LUZP2: variants seen among roughly 807,000 people sequenced by gnomAD.
LUZP2 encodes leucine zipper protein 2.
Under a neutral mutation model 51.6 loss-of-function variants are expected in LUZP2, and 52 were observed. The ratio of observed to expected loss-of-function variants is 1.01; its 90% CI spans 0.81 to 1.27. The LOEUF (loss-of-function observed/expected upper bound fraction) is 1.27. Ranked by LOEUF, LUZP2 falls within the 50% of genes most tolerant of loss-of-function variation. LUZP2 has a pLI of 0.00. For missense variants in LUZP2, 436 were observed against 395.4 expected, an observed-to-expected ratio of 1.10 and a Z score of -0.87; for synonymous variants, 154 against 137.3, an observed-to-expected ratio of 1.12 and a Z score of -0.85.
intron 1 of LUZP2, among the ~76,000 whole-genome samples, chr11:24,645,704 C>T (rs911584046): frequency 6.6e-6 from 1 of 152,052 alleles, no homozygotes; most frequent in Non-Finnish European, 1.5e-5. Flanking sequence ...ATATATCTTA[C>T]TTGTCCATTT....
chr11:24,574,247 T>TCTTTCTTTCTTTCTTTCTTTCTTG (rs1852551687), intron 1 of LUZP2, among the ~76,000 whole-genome samples: 1 of 2,108 alleles, frequency 4.7e-4, no homozygotes, highest in African/African-American at 8.6e-4. Flanking sequence ...TTTCTTTCTT[T>TCTTTCTTTCTTTCTTTCTTTCTTG]CTTTCTTTCT....
intron 5 of LUZP2, among the ~76,000 whole-genome samples, chr11:24,782,345 A>G (rs1849119080): frequency 6.6e-6 from 1 of 152,154 alleles, no homozygotes; most frequent in African/African-American, 2.4e-5. Flanking sequence ...GACAGGGAAG[A>G]GCAGAACCAC....
rs529114114 is a variant in LUZP2, at chr11:24,699,974, A to G, written c.63-29195A>G. ...ATGAGGGAGGATAGAGCCAGGAACAATTTTACTTTTCAAATTTGTACTTGT... is the reference window on the plus strand; with the variant it reads ...ATGAGGGAGGATAGAGCCAGGAACAGTTTTACTTTTCAAATTTGTACTTGT... On this transcript the variant is annotated intron_variant, in intron 1 of 11. Transcript: ENST00000336930. 1.5e-4 allele frequency among the ~76,000 whole-genome samples: 23 copies of G among 150,784 alleles called. No homozygotes were observed. The South Asian group carries it at 4.2e-3, about 27-fold the overall frequency.
chr11:24,991,390 G>T (rs1310725760), intron 9 of LUZP2, among the ~76,000 whole-genome samples: 1 of 63,524 alleles, frequency 1.6e-5, no homozygotes, highest in Non-Finnish European at 4.0e-5. Flanking sequence ...GTGTGTGTGT[G>T]TGTGTGTATA....
intron 2 of LUZP2, among the ~76,000 whole-genome samples, chr11:24,730,296 T>G (rs1412646453): frequency 6.6e-6 from 1 of 151,762 alleles, no homozygotes; most frequent in African/African-American, 2.4e-5. Flanking sequence ...AGAGAAAAGT[T>G]AACAAACTAA....
chr11:24,807,478 A>T lies in LUZP2; in HGVS notation c.396+44170A>T, dbSNP rs377019208. On this transcript the variant is annotated intron_variant, in intron 5 of 11. Coordinates refer to ENST00000336930, the MANE Select transcript of LUZP2 (RefSeq NM_001009909.4). Reference sequence around the variant, plus strand: ...TCCATCTCAAAAGAAAAAAAAAAAAAAGTCAGGTTAAACAAATTATTTAAC... The same window carrying T: ...TCCATCTCAAAAGAAAAAAAAAAAATAGTCAGGTTAAACAAATTATTTAAC... 2.5e-4 allele frequency among the ~76,000 whole-genome samples: 38 copies of T among 151,260 alleles called. No individual in the cohort carries two copies. The Middle Eastern group carries it at 0.014, about 54-fold the overall frequency.
chr11:24,842,206 ATTATAT>A (rs1042549627), intron 5 of LUZP2, among the ~76,000 whole-genome samples: 3 of 149,416 alleles, frequency 2.0e-5, no homozygotes, highest in African/African-American at 4.9e-5. Context: ...AAAATTTTCA[ATTATAT>A]TTATATTATT....
At chr11:24,822,318 C>A (rs2134160147) in intron 5 of LUZP2, among the ~76,000 whole-genome samples, 1 of 152,204 alleles carries the variant, frequency 6.6e-6, no homozygotes, top group East Asian at 1.9e-4. Context: ...TTTGTTGCTA[C>A]TTTTAGCCTT....
intron 1 of LUZP2, among the ~76,000 whole-genome samples, chr11:24,595,240 T>A (rs910515365): frequency 6.6e-6 from 1 of 151,182 alleles, no homozygotes; most frequent in Non-Finnish European, 1.5e-5. Flanking sequence ...TTTTATTACA[T>A]GGGCCGAAGC....
chr11:24,703,825 T>TCAAAAAA (rs1857488548), intron 1 of LUZP2, among the ~76,000 whole-genome samples: 1 of 147,572 alleles, frequency 6.8e-6, no homozygotes, highest in Non-Finnish European at 1.5e-5. Context: ...AGACTCCATC[T>TCAAAAAA]CAAAAAACAA....
intron 1 of LUZP2, among the ~76,000 whole-genome samples, chr11:24,539,344 C>G (rs995038937): frequency 6.6e-6 from 1 of 151,840 alleles, no homozygotes; most frequent in Non-Finnish European, 1.5e-5. Flanking sequence ...TGTGTGCTAT[C>G]TGTTATAATT....
At chr11:25,063,652 C>G (rs1404995177) in intron 10 of LUZP2, among the ~76,000 whole-genome samples, 1 of 151,808 alleles carries the variant, frequency 6.6e-6, no homozygotes, top group Non-Finnish European at 1.5e-5. Flanking sequence ...AATGCAAATG[C>G]ATCTGAGTAA....
intron 1 of LUZP2, among the ~76,000 whole-genome samples, chr11:24,660,220 A>G (rs991454534): frequency 1.3e-5 from 2 of 152,196 alleles, no homozygotes; most frequent in African/African-American, 2.4e-5. Flanking sequence ...AGGACCCAGT[A>G]AAAGCGTGCC....
chr11:24,922,879 C>G (rs190584249), intron 7 of LUZP2, among the ~76,000 whole-genome samples: 227 of 122,608 alleles, frequency 1.9e-3, no homozygotes, highest in African/African-American at 7.1e-3. Context: ...GAGGGAGTCT[C>G]GCTCCATTGC....
At chr11:24,987,907 C>T (rs925075845) in intron 9 of LUZP2, among the ~76,000 whole-genome samples, 1 of 151,964 alleles carries the variant, frequency 6.6e-6, no homozygotes, top group Non-Finnish European at 1.5e-5. Context: ...AAAATGCTCA[C>T]ACCTGGGTGT....
At chr11:25,017,708 A>ATTG (rs112742532) in intron 9 of LUZP2, among the ~76,000 whole-genome samples, 39 of 151,780 alleles carry the variant, frequency 2.6e-4, no homozygotes, top group South Asian at 2.1e-3. Context: ...AAGTTTGCTT[A>ATTG]TTGTTGTTGT....
intron 1 of LUZP2, among the ~76,000 whole-genome samples, chr11:24,618,766 C>A (rs1456572946): frequency 1.3e-5 from 2 of 152,006 alleles, no homozygotes; most frequent in African/African-American, 2.4e-5. Flanking sequence ...ATGGCCAGGG[C>A]TTTTAGTTGT....
At chr11:24,955,559 A>T (rs536073519) in intron 7 of LUZP2, among the ~76,000 whole-genome samples, 3 of 152,076 alleles carry the variant, frequency 2.0e-5, no homozygotes, top group African/African-American at 4.8e-5. Flanking sequence ...TAAATAATTA[A>T]CCCTGATAAT....
chr11:24,674,887 A>T (rs985956762), intron 1 of LUZP2, among the ~76,000 whole-genome samples: 1 of 152,180 alleles, frequency 6.6e-6, no homozygotes, highest in Non-Finnish European at 1.5e-5. Context: ...GAAATTTTAG[A>T]TAGTCTTCCC....
Sources: allele counts gnomAD v4.1 joint callset (sites outside exome capture counted in the v4.1 genomes callset), GRCh38; gene constraint gnomAD v4.1.1; transcripts MANE v1.5; gene names NCBI Gene and HGNC (gene_info 2026-07-23, HGNC 2026-07-21).